ODAD1: variants seen among roughly 807,000 people sequenced by gnomAD.
The protein encoded by ODAD1 is outer dynein arm-docking complex subunit 1.
In ODAD1, 49 loss-of-function variants were observed where a neutral mutation model predicts 67.2. The ratio of observed to expected loss-of-function variants is 0.73; its 90% CI spans 0.58 to 0.92. The LOEUF is 0.92. Among genes scored for constraint, ODAD1 ranks in the 40% least tolerant of loss-of-function variants. ODAD1 has a pLI of 0.00. For synonymous variants in ODAD1, 345 were observed against 393.7 expected (o/e 0.88, Z 1.46); for missense variants, 897 against 953.7 (o/e 0.94, Z 0.78).
Position 48,312,085 on chromosome 19 carries a change from T to C in ODAD1, c.392A>G (p.His131Arg), listed in dbSNP as rs1299349154. 1.1e-5 allele frequency: 17 copies of C among 1,550,850 alleles called. No individual in the cohort carries two copies. The highest frequency in any genetic ancestry group is 1.4e-5 in the Non-Finnish European group (16 of 1,145,896). ...TCCCGGGGACCTGACATTCTTACTGTGGGTAAAGATCCGCGTCTCCCACTC... is the reference window on the plus strand; with the variant it reads ...TCCCGGGGACCTGACATTCTTACTGCGGGTAAAGATCCGCGTCTCCCACTC... ...IQEWETRIFT[H>R]SKNVRSPGFI... Residue 131 changes from histidine (H) to arginine (R), a missense_variant, in exon 6 of 16, where the codon CAC (histidine) becomes CGC (arginine). By Grantham distance (29) the His-to-Arg change is conservative. Transcript: ENST00000674294.
At chr19:48,312,203 G>T in intron 5 of ODAD1, 87 bp from the exon 6 acceptor site, 2 of 927,632 alleles carry the variant, frequency 2.2e-6, no homozygotes, top group Non-Finnish European at 1.7e-6. Context: ...ACTAAGCATG[G>T]CAAACATCTG....
intron 12 of ODAD1, among the ~76,000 whole-genome samples, chr19:48,301,373 G>A (rs189935372): frequency 2.0e-5 from 3 of 152,204 alleles, no homozygotes; most frequent in African/African-American, 4.8e-5. Context: ...ATGGATGGAT[G>A]GGTGGATGAT....
At chr19:48,298,951 G>C (rs1020570643) in intron 12 of ODAD1, among the ~76,000 whole-genome samples, 2 of 152,108 alleles carry the variant, frequency 1.3e-5, no homozygotes, top group Admixed American at 6.6e-5. Context: ...GGTATGCCCC[G>C]AGGAGGCTCT....
chr19:48,303,628 C>G, intron 10 of ODAD1, 22 bp downstream of exon 10: 1 of 1,613,752 alleles, frequency 6.2e-7, no homozygotes, highest in Non-Finnish European at 8.5e-7. Context: ...GGCCTCCTCC[C>G]TCCACCCAGG....
intron 5 of ODAD1, among the ~76,000 whole-genome samples, chr19:48,315,679 G>T (rs533508317): frequency 4.6e-5 from 7 of 152,210 alleles, no homozygotes; most frequent in African/African-American, 1.7e-4. Flanking sequence ...TCTCCCCCCA[G>T]CAATCACTCA....
Position 48,297,684 on chromosome 19 carries a change from A to G in ODAD1, c.1503-16T>C. The G allele has an allele frequency of 1.3e-6, 2 of 1,492,144 alleles. No homozygotes were observed. The highest frequency in any genetic ancestry group is 1.8e-6 in the Non-Finnish European group (2 of 1,119,106). 92.4% of individuals were successfully genotyped at this position (1,492,144 alleles called of 1,614,324 possible). ...GGGGTCTTCTCTGGGGAGGGGAAGG[A>G]AAATTGGAAAAGACTAGACCTCAGC... is the stretch of plus-strand genomic sequence containing the variant. On this transcript the variant is annotated splice_polypyrimidine_tract_variant and intron_variant, in intron 14 of 15. Transcript: ENST00000674294.
chr19:48,300,806 C>T (rs957170041), intron 12 of ODAD1, among the ~76,000 whole-genome samples: 3 of 152,142 alleles, frequency 2.0e-5, no homozygotes, highest in African/African-American at 4.8e-5. Flanking sequence ...AGAGAGAGTA[C>T]GGCACACACG....
At chr19:48,300,077 C>G (rs1015121403) in intron 12 of ODAD1, among the ~76,000 whole-genome samples, 1 of 151,618 alleles carries the variant, frequency 6.6e-6, no homozygotes, top group Non-Finnish European at 1.5e-5. Context: ...GATACTGAGG[C>G]GGGCAGATCA....
intron 7 of ODAD1, among the ~76,000 whole-genome samples, chr19:48,308,573 T>C (rs1968678349): frequency 6.6e-6 from 1 of 152,212 alleles, no homozygotes; most frequent in African/African-American, 2.4e-5. Flanking sequence ...GTAATAACCA[T>C]TCAGGGAAGA....
intron 7 of ODAD1, among the ~76,000 whole-genome samples, chr19:48,307,316 C>T (rs1034261274): frequency 2.6e-5 from 4 of 152,106 alleles, no homozygotes; most frequent in African/African-American, 9.7e-5. Flanking sequence ...GTCAGCCAGG[C>T]GCAGTGGCTC....
chr19:48,311,315 T>A lies in ODAD1; in HGVS notation c.597+238A>T, dbSNP rs117555571. Among the ~76,000 whole-genome samples, 686 of 152,336 alleles carry A rather than the reference T, an allele frequency of 4.5e-3. 1 individual carries two copies. The highest frequency in any genetic ancestry group is 7.6e-3 in the Non-Finnish European group (514 of 68,036). On this transcript the variant is annotated intron_variant, in intron 7 of 15. Coordinates refer to ENST00000674294, the MANE Select transcript of ODAD1 (RefSeq NM_001364171.2). Reference sequence around the variant, plus strand: ...GGTCTTGCTTGCTCATAGATTGCCCTGGGTGATACTATTCAGAATGACATT... The same window carrying A: ...GGTCTTGCTTGCTCATAGATTGCCCAGGGTGATACTATTCAGAATGACATT...
chr19:48,307,671 C>T (rs8101044), intron 7 of ODAD1, among the ~76,000 whole-genome samples: 31,853 of 151,754 alleles, frequency 0.21, 3,389 homozygotes, highest in Middle Eastern at 0.31. Flanking sequence ...AAAAATTAGC[C>T]GGGCGTGGTG....
chr19:48,307,822 CAAAA>C (rs71181675), intron 7 of ODAD1, among the ~76,000 whole-genome samples: 1 of 99,914 alleles, frequency 1.0e-5, no homozygotes. Flanking sequence ...GACTCCGTCT[CAAAA>C]AAAAAAAAAA....
chr19:48,320,121 G>T, intron 3 of ODAD1, 178 bp downstream of exon 3: 1 of 992,652 alleles, frequency 1.0e-6, no homozygotes, highest in Non-Finnish European at 1.3e-6. Context: ...CTGCCCCACT[G>T]CCCAGGCTTG....
chr19:48,296,838 CA>C lies in ODAD1; in HGVS notation c.*137del. 1.4e-6 allele frequency: 2 copies of C among 1,432,262 alleles called. No individual in the cohort carries two copies. The highest frequency in any genetic ancestry group is 1.8e-6 in the Non-Finnish European group (2 of 1,099,782). The allele number at this position is 1,432,262 out of a possible 1,614,324, so 88.7% of individuals were successfully genotyped here. On this transcript the variant is annotated 3_prime_UTR_variant, in exon 16 of 16. Transcript: ENST00000674294. Reference sequence around the variant, plus strand: ...GGCGGTGATGAAGGGCAGATGAAAACAGTTGAAGGGGCAAAAAGACAGAGGC... The same window carrying C: ...GGCGGTGATGAAGGGCAGATGAAAACGTTGAAGGGGCAAAAAGACAGAGGC...
intron 7 of ODAD1, among the ~76,000 whole-genome samples, chr19:48,310,011 G>C (rs1404706149): frequency 1.3e-5 from 2 of 152,012 alleles, no homozygotes; most frequent in Non-Finnish European, 2.9e-5. Flanking sequence ...GAGGCGGGTG[G>C]AACACCTTAG....
At chr19:48,307,846 G>A (rs191158869) in intron 7 of ODAD1, among the ~76,000 whole-genome samples, 7 of 148,444 alleles carry the variant, frequency 4.7e-5, no homozygotes, top group East Asian at 3.9e-4. Context: ...AAAAGAAAAC[G>A]GTCTCTTAGT....
chr19:48,320,152 G>T, intron 3 of ODAD1, 147 bp downstream of exon 3: 1 of 847,046 alleles, frequency 1.2e-6, no homozygotes, highest in Non-Finnish European at 1.5e-6. Context: ...CGTGGTGCCC[G>T]CCCCGCCTCC....
chr19:48,320,665 T>A (rs200994559), intron 2 of ODAD1, 107 bp downstream of exon 2: 2 of 172,582 alleles, frequency 1.2e-5, no homozygotes, highest in East Asian at 3.6e-4. Flanking sequence ...TCAGGATATC[T>A]GAGGCCAGGC....
Sources: gnomAD v4.1 joint callset for allele counts (sites outside exome capture counted in the v4.1 genomes callset) on GRCh38, gnomAD v4.1.1 for gene constraint, MANE v1.5 for transcripts, NCBI Gene and HGNC (gene_info 2026-07-23, HGNC 2026-07-21) for gene names.